PLXDC2: variants seen among roughly 807,000 people sequenced by gnomAD.
PLXDC2 encodes the protein plexin domain containing 2.
PLXDC2 carries 40 observed loss-of-function variants against 68.9 expected under a neutral mutation model. The ratio of observed to expected loss-of-function variants is 0.58; its 90% CI spans 0.45 to 0.76. The LOEUF (loss-of-function observed/expected upper bound fraction) is 0.76. Among genes scored for constraint, PLXDC2 ranks in the 30% least tolerant of loss-of-function variants. PLXDC2 has a pLI of 0.00. For missense variants in PLXDC2, 644 were observed against 661.9 expected, an observed-to-expected ratio of 0.97 and a Z score of 0.30; for synonymous variants, 243 against 234.2, an observed-to-expected ratio of 1.04 and a Z score of -0.34.
intron 1 of PLXDC2, among the ~76,000 whole-genome samples, chr10:19,956,622 A>G (rs1834074111): frequency 6.6e-6 from 1 of 152,218 alleles, no homozygotes; most frequent in African/African-American, 2.4e-5. Context: ...TAAATGAATA[A>G]ATGAGCAAAT....
intron 1 of PLXDC2, among the ~76,000 whole-genome samples, chr10:19,951,784 A>G (rs1833996198): frequency 6.6e-6 from 1 of 152,194 alleles, no homozygotes; most frequent in South Asian, 2.1e-4. Flanking sequence ...AGAAAATGTG[A>G]GACATAAACA....
chr10:20,244,444 G>A (rs1456606155), intron 12 of PLXDC2, among the ~76,000 whole-genome samples: 2 of 152,196 alleles, frequency 1.3e-5, no homozygotes, highest in Non-Finnish European at 2.9e-5. Context: ...GTTCTGGGGT[G>A]TAGTGGAAAG....
At chr10:20,256,938 C>A (rs1014162990) in intron 13 of PLXDC2, among the ~76,000 whole-genome samples, 3 of 152,142 alleles carry the variant, frequency 2.0e-5, no homozygotes, top group African/African-American at 7.2e-5. Flanking sequence ...AGGGTCCATT[C>A]TTGTAGAGGA....
chr10:19,845,297 A>T (rs760860215), intron 1 of PLXDC2, among the ~76,000 whole-genome samples: 1 of 152,172 alleles, frequency 6.6e-6, no homozygotes, highest in African/African-American at 2.4e-5. Context: ...AGAGACAATT[A>T]TGGTGACTTC....
At chr10:20,111,434 G>A (rs960641751) in intron 4 of PLXDC2, among the ~76,000 whole-genome samples, 15 of 152,032 alleles carry the variant, frequency 9.9e-5, no homozygotes, top group Non-Finnish European at 1.8e-4. Flanking sequence ...TTGGATTTCT[G>A]AAAATAATTA....
intron 1 of PLXDC2, among the ~76,000 whole-genome samples, chr10:19,850,426 A>C (rs1837093220): frequency 6.6e-6 from 1 of 152,140 alleles, no homozygotes; most frequent in Non-Finnish European, 1.5e-5. Flanking sequence ...AAGTTAGCTG[A>C]GTTGTTTATA....
chr10:19,826,572 A>G lies in PLXDC2; in HGVS notation c.112+9381A>G, dbSNP rs534252325. Among the ~76,000 whole-genome samples the G allele has an allele frequency of 2.0e-5, 3 of 152,306 alleles. No individual in the cohort carries two copies. The South Asian group carries it at 6.2e-4, about 32-fold the overall frequency. On this transcript the variant is annotated intron_variant, in intron 1 of 13. Coordinates refer to ENST00000377252, the MANE Select transcript of PLXDC2 (RefSeq NM_032812.9). ...GAGGTTAAAACAAATTTTATTTCAC[A>G]TTTTAGTTTGAGAGCATTCTTGCTA...
intron 4 of PLXDC2, among the ~76,000 whole-genome samples, chr10:20,082,668 A>AG (rs1297983083): frequency 5.3e-5 from 8 of 151,994 alleles, no homozygotes; most frequent in Non-Finnish European, 8.8e-5. Flanking sequence ...TATAAAATGT[A>AG]TAACTAACAC....
chr10:20,141,375 GTTC>G (rs1407975877), intron 4 of PLXDC2, among the ~76,000 whole-genome samples: 8 of 152,184 alleles, frequency 5.3e-5, no homozygotes, highest in African/African-American at 1.9e-4. Context: ...GATTGCTGCT[GTTC>G]TTCTTACAAA....
chr10:20,110,961 A>G (rs1205985401), intron 4 of PLXDC2, among the ~76,000 whole-genome samples: 2 of 152,032 alleles, frequency 1.3e-5, no homozygotes, highest in Non-Finnish European at 2.9e-5. Flanking sequence ...TCTGACACCT[A>G]TTGGGCTCCC....
intron 1 of PLXDC2, among the ~76,000 whole-genome samples, chr10:19,932,633 A>G (rs1411077392): frequency 6.6e-6 from 1 of 152,246 alleles, no homozygotes; most frequent in Non-Finnish European, 1.5e-5. Flanking sequence ...GGAGAGCAAA[A>G]GATAGCTCTC....
chr10:19,956,184 T>C (rs1160334239), intron 1 of PLXDC2, among the ~76,000 whole-genome samples: 1 of 152,174 alleles, frequency 6.6e-6, no homozygotes, highest in Admixed American at 6.5e-5. Flanking sequence ...TTCTGTAATC[T>C]CCACAGCTTT....
intron 1 of PLXDC2, among the ~76,000 whole-genome samples, chr10:19,931,626 T>C (rs907070166): frequency 2.6e-5 from 4 of 152,078 alleles, no homozygotes; most frequent in African/African-American, 9.6e-5. Context: ...TAAAGTGGGG[T>C]GAGATATATT....
intron 1 of PLXDC2, among the ~76,000 whole-genome samples, chr10:19,966,998 C>T (rs555512155): frequency 6.6e-6 from 1 of 152,206 alleles, no homozygotes; most frequent in Non-Finnish European, 1.5e-5. Context: ...CAGCCCCTCT[C>T]TGTCAGTGCT....
At chr10:20,025,489 C>A (rs964837722) in intron 2 of PLXDC2, among the ~76,000 whole-genome samples, 3 of 151,906 alleles carry the variant, frequency 2.0e-5, no homozygotes, top group Admixed American at 6.6e-5. Flanking sequence ...CTTGAACTCC[C>A]GACCTCAGGT....
intron 7 of PLXDC2, among the ~76,000 whole-genome samples, chr10:20,173,312 A>T (rs1210897238): frequency 1.3e-5 from 2 of 152,224 alleles, no homozygotes; most frequent in East Asian, 3.8e-4. Flanking sequence ...CAGACAAAAT[A>T]TAATACTTAC....
At chr10:20,096,162 C>T (rs1424922516) in intron 4 of PLXDC2, among the ~76,000 whole-genome samples, 2 of 152,116 alleles carry the variant, frequency 1.3e-5, no homozygotes, top group Non-Finnish European at 2.9e-5. Context: ...ACGGTGTGAC[C>T]TTTCAAAGGT....
At chr10:20,204,223 A>G (rs1834959715) in intron 9 of PLXDC2, among the ~76,000 whole-genome samples, 1 of 152,176 alleles carries the variant, frequency 6.6e-6, no homozygotes, top group Admixed American at 6.6e-5. Flanking sequence ...TTATAATTTG[A>G]AATAAGGATA....
chr10:20,187,626 C>T (rs1834704260), intron 9 of PLXDC2, among the ~76,000 whole-genome samples: 1 of 151,762 alleles, frequency 6.6e-6, no homozygotes, highest in South Asian at 2.1e-4. Context: ...GGTAAGGCTG[C>T]ATGTCTGACT....
Sources: allele counts gnomAD v4.1 joint callset (sites outside exome capture counted in the v4.1 genomes callset), GRCh38; gene constraint gnomAD v4.1.1; transcripts MANE v1.5; gene names NCBI Gene and HGNC (gene_info 2026-07-23, HGNC 2026-07-21).